DNAJC6: variants seen among roughly 807,000 people sequenced by gnomAD.
DNAJC6 encodes auxilin.
DNAJC6 carries 34 observed loss-of-function variants against 110.0 expected under a neutral mutation model. That is an observed-to-expected ratio of 0.31 (90% confidence interval 0.24 to 0.41). The LOEUF is 0.41. DNAJC6 is among the 10% of genes least tolerant of loss of function. The pLI is 1.00. For missense variants in DNAJC6, 1,031 were observed against 1,207.8 expected (o/e 0.85, Z 2.17); for synonymous variants, 406 against 437.2 (o/e 0.93, Z 0.89).
chr1:65,300,437 T>C (rs2101277661), intron 1 of DNAJC6, among the ~76,000 whole-genome samples: 1 of 152,308 alleles, frequency 6.6e-6, no homozygotes, highest in African/African-American at 2.4e-5. Flanking sequence ...ATAATTACAA[T>C]GGCTACAACT....
chr1:65,383,299 T>C (rs1645840638), intron 5 of DNAJC6, among the ~76,000 whole-genome samples: 1 of 152,182 alleles, frequency 6.6e-6, no homozygotes, highest in African/African-American at 2.4e-5. Context: ...AAGTCCAAGA[T>C]CAAGGTGACT....
At chr1:65,301,160 C>G (rs1227027861) in intron 1 of DNAJC6, among the ~76,000 whole-genome samples, 1 of 152,194 alleles carries the variant, frequency 6.6e-6, no homozygotes, top group Non-Finnish European at 1.5e-5. Context: ...AGTTTTCCTA[C>G]TTGTAAAATG....
chr1:65,285,411 T>A (rs1653983773), intron 1 of DNAJC6, among the ~76,000 whole-genome samples: 1 of 152,218 alleles, frequency 6.6e-6, no homozygotes, highest in Non-Finnish European at 1.5e-5. Context: ...CTGAAATTTA[T>A]TCTTTGTCAA....
intron 1 of DNAJC6, among the ~76,000 whole-genome samples, chr1:65,284,083 A>G (rs1040937105): frequency 1.3e-5 from 2 of 151,936 alleles, no homozygotes; most frequent in South Asian, 2.1e-4. Context: ...CAATCCTGCC[A>G]TCTTCCCAAT....
intron 1 of DNAJC6, among the ~76,000 whole-genome samples, chr1:65,292,035 A>C (rs1367901193): frequency 6.6e-6 from 1 of 151,556 alleles, no homozygotes; most frequent in Non-Finnish European, 1.5e-5. Context: ...TTACTTTTTG[A>C]GATGGAGTTT....
chr1:65,278,459 G>C (rs1025762282), intron 1 of DNAJC6, among the ~76,000 whole-genome samples: 3 of 152,134 alleles, frequency 2.0e-5, no homozygotes, highest in African/African-American at 7.2e-5. Context: ...AGTCTTTTCA[G>C]ATATGTTCCC....
At chr1:65,386,044 TG>T in intron 7 of DNAJC6, 138 bp downstream of exon 7, 2 of 917,512 alleles carry the variant, frequency 2.2e-6, no homozygotes, top group Non-Finnish European at 3.2e-6. Context: ...TCAACATCAG[TG>T]GTAATCATAG....
intron 1 of DNAJC6, among the ~76,000 whole-genome samples, chr1:65,304,145 A>G (rs1283186630): frequency 6.6e-6 from 1 of 152,006 alleles, no homozygotes; most frequent in Non-Finnish European, 1.5e-5. Context: ...TTATTTTGTT[A>G]CTATTAGAGC....
chr1:65,357,139 T>G (rs1214512167), intron 1 of DNAJC6, among the ~76,000 whole-genome samples: 1 of 152,004 alleles, frequency 6.6e-6, no homozygotes, highest in Non-Finnish European at 1.5e-5. Context: ...CTCTACAGAG[T>G]CACTTTAGTT....
At chr1:65,265,886 C>T (rs1401209004) in intron 1 of DNAJC6, among the ~76,000 whole-genome samples, 3 of 152,002 alleles carry the variant, frequency 2.0e-5, no homozygotes, top group Non-Finnish European at 2.9e-5. Flanking sequence ...TGCCGGGCCC[C>T]TGCTTCCGGA....
chr1:65,339,206 ATGT>A (rs1454605340), intron 1 of DNAJC6, among the ~76,000 whole-genome samples: 1 of 152,176 alleles, frequency 6.6e-6, no homozygotes, highest in Non-Finnish European at 1.5e-5. Context: ...AATGAGGTGG[ATGT>A]TGTTGTCCTA....
chr1:65,370,563 CCA>C (rs1645696031), intron 4 of DNAJC6, among the ~76,000 whole-genome samples: 1 of 152,148 alleles, frequency 6.6e-6, no homozygotes, highest in Admixed American at 6.6e-5. Context: ...TAACCTGATT[CCA>C]GAGTTCTTAA....
chr1:65,381,196 C>T lies in DNAJC6; in HGVS notation c.666+1672C>T, dbSNP rs138914377. ...CCTCCCAAAGTGCTGGGATTACAGG[C>T]GTGACCCCACCAGGCCTCTTATTTT... On this transcript the variant is annotated intron_variant, in intron 5 of 18. Coordinates refer to ENST00000371069, the MANE Select transcript of DNAJC6 (RefSeq NM_001256864.2). Among the ~76,000 whole-genome samples the T allele has an allele frequency of 7.3e-4, 111 of 151,706 alleles. 1 individual carries two copies. The South Asian group carries it at 0.022, about 31-fold the overall frequency.
chr1:65,412,976 A>G lies in DNAJC6; in HGVS notation c.2864A>G (p.Asn955Ser), dbSNP rs1051191976. ...GCAAAGATGATTTTCATGGAGCTCAATGATGCCTGGTCTGAATTTGAAAAC... is the reference window on the plus strand; with the variant it reads ...GCAAAGATGATTTTCATGGAGCTCAGTGATGCCTGGTCTGAATTTGAAAAC... The part of the protein sequence containing the change: ...QYAKMIFMEL[N>S]DAWSEFENQG... Residue 955 changes from asparagine to serine, a missense_variant, in exon 19 of 19, where the codon AAT becomes AGT. Coordinates refer to ENST00000371069, the MANE Select transcript of DNAJC6 (RefSeq NM_001256864.2). The G allele has an allele frequency of 6.2e-6, 10 of 1,614,036 alleles. No homozygotes were observed. The African/African-American group carries it at 8.0e-5, about 13-fold the overall frequency.
At chr1:65,403,376 A>G (rs1266570050) in intron 15 of DNAJC6, among the ~76,000 whole-genome samples, 1 of 152,208 alleles carries the variant, frequency 6.6e-6, no homozygotes, top group East Asian at 1.9e-4. Context: ...TTAGAGGTTG[A>G]TGTAGCTGAG....
At chr1:65,342,548 G>A (rs1386740372) in intron 1 of DNAJC6, among the ~76,000 whole-genome samples, 2 of 152,146 alleles carry the variant, frequency 1.3e-5, no homozygotes, top group South Asian at 2.1e-4. Flanking sequence ...ATACATTTCT[G>A]TTCTTAATAA....
intron 1 of DNAJC6, among the ~76,000 whole-genome samples, chr1:65,267,000 G>A (rs1287198438): frequency 6.6e-6 from 1 of 151,762 alleles, no homozygotes; most frequent in Non-Finnish European, 1.5e-5. Flanking sequence ...AGGTTCAAGC[G>A]ATTCTCCTGC....
chr1:65,326,229 C>A (rs1424329661), intron 1 of DNAJC6, among the ~76,000 whole-genome samples: 1 of 152,190 alleles, frequency 6.6e-6, no homozygotes, highest in East Asian at 1.9e-4. Context: ...ATCCAGTCCA[C>A]TCACTTTGAG....
chr1:65,386,328 C>T (rs1472937423), intron 7 of DNAJC6, among the ~76,000 whole-genome samples: 1 of 151,966 alleles, frequency 6.6e-6, no homozygotes, highest in East Asian at 1.9e-4. Context: ...AGTGGGTGGT[C>T]ATAGGGGATG....
Sources: allele counts gnomAD v4.1 joint callset (sites outside exome capture counted in the v4.1 genomes callset), GRCh38; gene constraint gnomAD v4.1.1; transcripts MANE v1.5; gene names NCBI Gene and HGNC (gene_info 2026-07-23, HGNC 2026-07-21).